Variants in TBCD observed in about 807,000 individuals in gnomAD.
TBCD encodes tubulin folding cofactor D.
TBCD carries 105 observed loss-of-function variants against 169.3 expected under a neutral mutation model. The observed-to-expected ratio is 0.62, with a 90% CI of 0.53 to 0.73. The LOEUF (loss-of-function observed/expected upper bound fraction) is 0.73. Among genes scored for constraint, TBCD ranks in the 30% least tolerant of loss-of-function variants. The probability of loss-of-function intolerance (pLI) is 0.00; values close to 1 mark genes in which losing one functional copy is unlikely to be tolerated. For synonymous variants in TBCD, 700 were observed against 643.9 expected, an observed-to-expected ratio of 1.09 and a Z score of -1.32; for missense variants, 1,444 against 1,600.1, an observed-to-expected ratio of 0.90 and a Z score of 1.66.
chr17:82,887,133 G>C (rs68113530), intron 15 of TBCD, among the ~76,000 whole-genome samples: 9,586 of 72,454 alleles, frequency 0.13, 523 homozygotes, highest in African/African-American at 0.25. Context: ...CCTGTACTCT[G>C]TGTGTGTGTG....
chr17:82,819,725 AG>A (rs2052247612), intron 13 of TBCD, among the ~76,000 whole-genome samples: 1 of 152,090 alleles, frequency 6.6e-6, no homozygotes, highest in African/African-American at 2.4e-5. Flanking sequence ...CCTCTGTTTG[AG>A]GACTACTGTT....
intron 7 of TBCD, among the ~76,000 whole-genome samples, chr17:82,792,590 G>C (rs954462082): frequency 3.3e-5 from 5 of 152,202 alleles, no homozygotes; most frequent in Middle Eastern, 3.2e-3. Flanking sequence ...GAGCTGTGTT[G>C]CCTTGGTTTA....
intron 1 of TBCD, among the ~76,000 whole-genome samples, chr17:82,754,126 C>T (rs1467377261): frequency 6.6e-6 from 1 of 151,968 alleles, no homozygotes; most frequent in Admixed American, 6.5e-5. Context: ...CCACCCGCCT[C>T]AGCCTCCCAA....
At position 82,930,757 on chromosome 17, in the gene TBCD, G is replaced by C. The variant is rs1185913904; in HGVS notation, c.3113+114G>C. ...CTGTCTGGGGTCTGAAGGGAGAAGC[G>C]AGACACACGCTGTACCAGTTGGTGG... On this transcript the variant is annotated intron_variant, in intron 33 of 38. Coordinates refer to ENST00000355528, the MANE Select transcript of TBCD (RefSeq NM_005993.5). The surrounding 1 kb of genome is among the most constrained non-coding windows in gnomAD (Gnocchi z 5.2). 66 of 1,494,328 alleles carry C rather than the reference G, an allele frequency of 4.4e-5. No homozygotes were observed. Among genetic ancestry groups the C allele is most frequent in the Non-Finnish European group, 5.4e-5 (60 of 1,102,080 alleles). The allele number at this position is 1,494,328 out of a possible 1,614,324, so 92.6% of individuals were successfully genotyped here.
At chr17:82,827,955 GCATA>G (rs1487199441) in intron 13 of TBCD, among the ~76,000 whole-genome samples, 4 of 142,350 alleles carry the variant, frequency 2.8e-5, no homozygotes, top group Non-Finnish European at 6.0e-5. Flanking sequence ...GATTGAATGT[GCATA>G]CACTCACAGA....
At position 82,920,536 on chromosome 17, in the gene TBCD, CTT is replaced by C. The variant is rs3214869; in HGVS notation, c.2039-6_2039-5del. On this transcript the variant is annotated intron_variant, in intron 23 of 38. Coordinates refer to ENST00000355528, the MANE Select transcript of TBCD (RefSeq NM_005993.5). The surrounding 1 kb of genome is among the most constrained non-coding windows in gnomAD (Gnocchi z 4.1). ...TTAGAAAAGTAACATTGCGTCTATC[CTT>C]TTTTTTTTTTTTTCCAGTGTGTGTT... 2,844 of 1,375,944 alleles carry C rather than the reference CTT, an allele frequency of 2.1e-3. No homozygotes were observed. The highest frequency in any genetic ancestry group is 3.4e-3 in the Admixed American group (141 of 41,058). 85.2% of individuals were successfully genotyped at this position (1,375,944 alleles called of 1,614,324 possible). A position where few individuals can be genotyped will look rare whatever the true frequency, so the allele number is the denominator to read the frequency against.
rs1568170313 is a variant in TBCD at position 82,809,757 on chromosome 17, G to A, written c.1198G>A (p.Val400Ile). 4.3e-6 allele frequency: 7 copies of A among 1,613,654 alleles called. No individual in the cohort carries two copies. The highest frequency in any genetic ancestry group is 5.9e-6 in the Non-Finnish European group (7 of 1,179,730). Reference protein sequence around the residue: ...RLPRALADDVVGSVLDCFSFQ... With the variant: ...RLPRALADDVIGSVLDCFSFQ... ...TCCCAGAGCCCTGGCGGATGATGTG[G>A]TCGGGTCTGTGCTGGACTGCTTCAG... is the stretch of plus-strand genomic sequence containing the variant. The change falls in exon 12 of 39, where the codon GTC (valine) becomes ATC (isoleucine). Residue 400 changes from valine (V) to isoleucine (I), a missense_variant. Physicochemically the swap from Val to Ile is conservative, Grantham distance 29. Transcript: ENST00000355528.
intron 18 of TBCD, among the ~76,000 whole-genome samples, chr17:82,902,368 T>TCCTTACG (rs1368026058): frequency 2.6e-5 from 4 of 152,218 alleles, no homozygotes; most frequent in South Asian, 2.1e-4. Context: ...CTGAGGGCCG[T>TCCTTACG]CCTTACGCGA....
rs2147759982 is a variant in TBCD, at chr17:82,945,831, T to G, written c.*3368T>G. 6.6e-6 allele frequency: 1 copy of G among 152,294 alleles called. No individual in the cohort carries two copies. Among genetic ancestry groups the G allele is most frequent in the East Asian group, 1.9e-4 (1 of 5,184 alleles). The allele number at this position is 152,294 out of a possible 1,614,324, so 9.4% of individuals were successfully genotyped here. A position where few individuals can be genotyped will look rare whatever the true frequency, so the allele number is the denominator to read the frequency against. Reference sequence around the variant, plus strand: ...GAACCACTGCTTTAGTGGATAAACTTTAGGCAGGAGGGAAATGATCGCAGT... The same window carrying G: ...GAACCACTGCTTTAGTGGATAAACTGTAGGCAGGAGGGAAATGATCGCAGT... On this transcript the variant is annotated 3_prime_UTR_variant, in exon 39 of 39. Coordinates refer to ENST00000355528, the MANE Select transcript of TBCD (RefSeq NM_005993.5).
rs2058997636 is a variant in TBCD, at chr17:82,889,704, C to G, written c.1563+7C>G. ...GGAGAATGTGGGGAGACAGGTATGG[C>G]TGCTTTCAAACACCTTTATTCCAAA... On this transcript the variant is annotated splice_region_variant and intron_variant, in intron 16 of 38. Transcript: ENST00000355528. This position sits in a 1 kb window ranked among gnomAD's most constrained non-coding sequence, Gnocchi z 5.3. 3 of 1,613,402 alleles carry G rather than the reference C, an allele frequency of 1.9e-6. No individual in the cohort carries two copies. The highest frequency in any genetic ancestry group is 2.5e-6 in the Non-Finnish European group (3 of 1,179,746).
At chr17:82,767,459 AAGAC>A (rs1230679527) in intron 4 of TBCD, among the ~76,000 whole-genome samples, 6 of 151,880 alleles carry the variant, frequency 4.0e-5, no homozygotes, top group African/African-American at 9.7e-5. Flanking sequence ...TTTTTTTAAA[AAGAC>A]AGAGTTTCAC....
chr17:82,837,503 GGT>G (rs2054090489), intron 13 of TBCD, among the ~76,000 whole-genome samples: 1 of 152,202 alleles, frequency 6.6e-6, no homozygotes, highest in Admixed American at 6.5e-5. Flanking sequence ...TCCTGGGGGA[GGT>G]GTGTTTCCAT....
chr17:82,938,672 C>T (rs1351992950), intron 36 of TBCD, among the ~76,000 whole-genome samples: 2 of 152,238 alleles, frequency 1.3e-5, no homozygotes. Context: ...GACTCAGCAC[C>T]TCCAGGGTGG....
In TBCD at chr17:82,935,217, C is replaced by G. The variant is rs564281642; in HGVS notation, c.3192-2054C>G. The stretch of plus-strand genomic sequence containing the variant: ...TTTGTGGGCTGAATCTTGCCCTTAT[C>G]ACCCATTTCTAGGATGCTTTTTGCT... On this transcript the variant is annotated intron_variant, in intron 34 of 38. Transcript: ENST00000355528. Among the ~76,000 whole-genome samples, 24 of 152,276 alleles carry G rather than the reference C, an allele frequency of 1.6e-4. 1 individual carries two copies. The South Asian group carries it at 2.1e-3, about 13-fold the overall frequency.
chr17:82,896,453 G>GTT (rs1014108505), intron 17 of TBCD, among the ~76,000 whole-genome samples: 2,705 of 91,388 alleles, frequency 0.03, 37 homozygotes, highest in African/African-American at 0.072. Flanking sequence ...TGTGCTGTCA[G>GTT]TTTTTTTTTT....
intron 23 of TBCD, among the ~76,000 whole-genome samples, chr17:82,917,389 A>G (rs553173613): frequency 5.9e-5 from 9 of 152,080 alleles, no homozygotes; most frequent in Non-Finnish European, 1.2e-4. Flanking sequence ...TTTATTTTTC[A>G]GAACTTATTT....
In TBCD at chr17:82,849,460, A is replaced by G. The variant is rs545147467; in HGVS notation, c.1319-20764A>G. On this transcript the variant is annotated intron_variant, in intron 13 of 38. Transcript: ENST00000355528. ...CAGACCTTGGTTTTGGCCCCTTTTCATATCTTCCTTGTTTCCTCGCTGTGG... is the reference window on the plus strand; with the variant it reads ...CAGACCTTGGTTTTGGCCCCTTTTCGTATCTTCCTTGTTTCCTCGCTGTGG... 1.1e-4 allele frequency among the ~76,000 whole-genome samples: 17 copies of G among 152,214 alleles called. No individual in the cohort carries two copies. The South Asian group carries it at 1.9e-3, about 17-fold the overall frequency.
intron 7 of TBCD, among the ~76,000 whole-genome samples, chr17:82,788,745 G>A (rs1352685572): frequency 6.6e-6 from 1 of 152,078 alleles, no homozygotes; most frequent in East Asian, 1.9e-4. Context: ...TGTGTGGGCC[G>A]GGAACCAGGG....
intron 14 of TBCD, among the ~76,000 whole-genome samples, chr17:82,876,747 ACGCAACAGCAAC>A (rs1177880331): frequency 6.6e-6 from 1 of 152,230 alleles, no homozygotes; most frequent in Non-Finnish European, 1.5e-5. Context: ...TAAAATATAC[ACGCAACAGCAAC>A]CATTTTGACT....
Sources: gnomAD v4.1 joint callset for allele counts (sites outside exome capture counted in the v4.1 genomes callset) on GRCh38, gnomAD v4.1.1 for gene constraint, Gnocchi (gnomAD v3.1) non-coding constraint, MANE v1.5 for transcripts, NCBI Gene and HGNC (gene_info 2026-07-23, HGNC 2026-07-21) for gene names.